Variants in DSCAML1 observed in about 807,000 individuals in gnomAD.
DSCAML1 encodes DS cell adhesion molecule like 1.
Under a neutral mutation model 200.5 loss-of-function variants are expected in DSCAML1, and 38 were observed. The ratio of observed to expected loss-of-function variants is 0.19; its 90% confidence interval spans 0.15 to 0.25. The LOEUF is 0.25. Among genes scored for constraint, DSCAML1 ranks in the 10% least tolerant of loss-of-function variants. The pLI, the probability that DSCAML1 is intolerant of heterozygous loss-of-function variation, is 1.00. For synonymous variants in DSCAML1, 1,215 were observed against 1,165.0 expected (o/e 1.04, Z -0.87); for missense variants, 2,223 against 2,858.8 (o/e 0.78, Z 5.07).
intron 4 of DSCAML1, 94 bp from the exon 5 acceptor site, chr11:117,525,177 C>T: frequency 7.1e-7 from 1 of 1,407,556 alleles, no homozygotes. Flanking sequence ...CAGGAGCCTG[C>T]TGCCCACTGG....
intron 3 of DSCAML1, among the ~76,000 whole-genome samples, chr11:117,559,599 G>T (rs1054947792): frequency 6.6e-6 from 1 of 152,110 alleles, no homozygotes; most frequent in Non-Finnish European, 1.5e-5. Context: ...CTTGTTTGGT[G>T]CCCCGCAATA....
chr11:117,484,524 CAAAT>C (rs755068823), intron 11 of DSCAML1, among the ~76,000 whole-genome samples: 47 of 152,300 alleles, frequency 3.1e-4, no homozygotes, highest in Non-Finnish European at 5.7e-4. Context: ...ATGCAAAAGA[CAAAT>C]AACGAGGTGC....
intron 6 of DSCAML1, among the ~76,000 whole-genome samples, chr11:117,519,270 C>G (rs759030349): frequency 6.6e-6 from 1 of 152,134 alleles, no homozygotes; most frequent in Non-Finnish European, 1.5e-5. Context: ...GTTCCCTCTG[C>G]GTGGGGCCTC....
intron 1 of DSCAML1, among the ~76,000 whole-genome samples, chr11:117,812,291 T>C (rs951812613): frequency 0.014 from 2,089 of 152,128 alleles, 44 homozygotes; most frequent in African/African-American, 0.048. Context: ...AAAGGATTAA[T>C]GCCTGTTATC....
intron 14 of DSCAML1, among the ~76,000 whole-genome samples, chr11:117,472,935 A>G (rs2048713503): frequency 6.6e-6 from 1 of 152,204 alleles, no homozygotes; most frequent in Non-Finnish European, 1.5e-5. Context: ...ATTCTTAACC[A>G]AATAACTGTT....
intron 3 of DSCAML1, among the ~76,000 whole-genome samples, chr11:117,578,897 T>A (rs1214965232): frequency 6.6e-6 from 1 of 152,170 alleles, no homozygotes. Context: ...CACAGAAAAC[T>A]TAGCCTTACC....
intron 3 of DSCAML1, among the ~76,000 whole-genome samples, chr11:117,575,877 CAAA>C (rs1032889394): frequency 8.5e-6 from 1 of 118,244 alleles, no homozygotes; most frequent in Non-Finnish European, 1.9e-5. Context: ...CAAAACAAAA[CAAA>C]ACAAACAAAA....
chr11:117,477,357 T>A (rs1234810919), intron 14 of DSCAML1, among the ~76,000 whole-genome samples: 7 of 67,702 alleles, frequency 1.0e-4, no homozygotes, highest in African/African-American at 3.8e-4. Context: ...AAAGTGTGTG[T>A]GTGTGTGTGT....
chr11:117,564,002 G>A (rs1463338573), intron 3 of DSCAML1, among the ~76,000 whole-genome samples: 6 of 152,224 alleles, frequency 3.9e-5, no homozygotes, highest in African/African-American at 1.2e-4. Flanking sequence ...AAGGCTGCAA[G>A]TGCCAAGGGC....
intron 3 of DSCAML1, among the ~76,000 whole-genome samples, chr11:117,615,930 G>C (rs1475829533): frequency 1.3e-5 from 2 of 152,166 alleles, no homozygotes; most frequent in African/African-American, 4.8e-5. Flanking sequence ...CTTCTTGCTA[G>C]AAAACTTTTG....
chr11:117,600,437 A>G (rs2051444235), intron 3 of DSCAML1, among the ~76,000 whole-genome samples: 1 of 152,006 alleles, frequency 6.6e-6, no homozygotes, highest in South Asian at 2.1e-4. Context: ...GCAAATCCCC[A>G]CTCTCGCCAC....
chr11:117,629,657 C>T (rs1262076994), intron 3 of DSCAML1, among the ~76,000 whole-genome samples: 1 of 151,920 alleles, frequency 6.6e-6, no homozygotes, highest in Non-Finnish European at 1.5e-5. Flanking sequence ...TCAGGCAAGG[C>T]TTGGAAAAGG....
chr11:117,694,061 A>G (rs1404169593), intron 3 of DSCAML1, among the ~76,000 whole-genome samples: 2 of 63,740 alleles, frequency 3.1e-5, no homozygotes, highest in Admixed American at 4.8e-4. Flanking sequence ...CTATCTTTAT[A>G]TATATATATA....
chr11:117,720,730 T>A (rs886209235), intron 3 of DSCAML1, among the ~76,000 whole-genome samples: 1 of 152,234 alleles, frequency 6.6e-6, no homozygotes, highest in African/African-American at 2.4e-5. Flanking sequence ...TGTAAAATGG[T>A]GCACAGCAAT....
At chr11:117,488,592 A>G (rs1419369234) in intron 11 of DSCAML1, among the ~76,000 whole-genome samples, 3 of 152,126 alleles carry the variant, frequency 2.0e-5, no homozygotes, top group African/African-American at 4.8e-5. Context: ...ACACACCTCA[A>G]CAGACAGTCA....
At chr11:117,580,047 T>C (rs1183206596) in intron 3 of DSCAML1, among the ~76,000 whole-genome samples, 1 of 152,208 alleles carries the variant, frequency 6.6e-6, no homozygotes, top group Non-Finnish European at 1.5e-5. Context: ...GGATTATGCC[T>C]TACCCATCTT....
At chr11:117,517,557 G>A (rs1017887235) in intron 7 of DSCAML1, among the ~76,000 whole-genome samples, 2 of 152,202 alleles carry the variant, frequency 1.3e-5, no homozygotes, top group African/African-American at 4.8e-5. Context: ...GAGGGCAGGA[G>A]GGTGGCCAGA....
intron 2 of DSCAML1, among the ~76,000 whole-genome samples, chr11:117,778,730 A>C (rs1327185042): frequency 6.6e-6 from 1 of 152,146 alleles, no homozygotes; most frequent in Non-Finnish European, 1.5e-5. Context: ...AATGAGGGGG[A>C]GGTGACAGGA....
At chr11:117,609,531 T>C (rs1396070292) in intron 3 of DSCAML1, among the ~76,000 whole-genome samples, 1 of 152,066 alleles carries the variant, frequency 6.6e-6, no homozygotes, top group East Asian at 1.9e-4. Context: ...GGTCTCAAGC[T>C]CCTGGGCTCA....
Sources: gnomAD v4.1 joint callset for allele counts (sites outside exome capture counted in the v4.1 genomes callset) on GRCh38, gnomAD v4.1.1 for gene constraint, MANE v1.5 for transcripts, NCBI Gene and HGNC (gene_info 2026-07-23, HGNC 2026-07-21) for gene names.